PARD3: variants seen among roughly 807,000 people sequenced by gnomAD.
PARD3 encodes partitioning defective 3 homolog.
Under a neutral mutation model 155.4 loss-of-function variants are expected in PARD3, and 75 were observed. The observed-to-expected ratio is 0.48, with a 90% CI of 0.40 to 0.58. PARD3 has a LOEUF of 0.58. PARD3 is among the 20% of genes least tolerant of loss of function. PARD3 has a pLI of 0.00. For synonymous variants in PARD3, 576 were observed against 610.5 expected (o/e 0.94, Z 0.83); for missense variants, 1,642 against 1,721.7 (o/e 0.95, Z 0.82).
intron 20 of PARD3, among the ~76,000 whole-genome samples, chr10:34,303,957 G>A (rs1009514978): frequency 3.9e-5 from 6 of 152,176 alleles, no homozygotes; most frequent in African/African-American, 1.4e-4. Flanking sequence ...GAGGTACAAG[G>A]TGGCATGCAG....
chr10:34,370,774 TCTATAA>T (rs1840502524), intron 12 of PARD3, among the ~76,000 whole-genome samples: 1 of 151,884 alleles, frequency 6.6e-6, no homozygotes, highest in Non-Finnish European at 1.5e-5. Flanking sequence ...TTGCATTTAT[TCTATAA>T]CTATTTCATG....
chr10:34,542,606 T>C (rs980659910), intron 2 of PARD3, among the ~76,000 whole-genome samples: 3 of 152,218 alleles, frequency 2.0e-5, no homozygotes, highest in Non-Finnish European at 4.4e-5. Context: ...TATATGGATT[T>C]ATATGTGCAT....
At chr10:34,796,949 C>T (rs553316588) in intron 1 of PARD3, among the ~76,000 whole-genome samples, 1 of 152,334 alleles carries the variant, frequency 6.6e-6, no homozygotes, top group African/African-American at 2.4e-5. Context: ...CGTGCCACTG[C>T]ACTCCAGCCT....
At chr10:34,129,786 T>C (rs1947505563) in intron 23 of PARD3, among the ~76,000 whole-genome samples, 1 of 147,124 alleles carries the variant, frequency 6.8e-6, no homozygotes, top group Admixed American at 6.9e-5. Context: ...GCCTCCTGAG[T>C]AGCTGGGACC....
At chr10:34,548,880 G>A (rs1045870589) in intron 2 of PARD3, among the ~76,000 whole-genome samples, 3 of 152,098 alleles carry the variant, frequency 2.0e-5, no homozygotes, top group African/African-American at 7.2e-5. Context: ...CTCTAAAAAA[G>A]CAGTCCACTT....
intron 1 of PARD3, among the ~76,000 whole-genome samples, chr10:34,791,129 G>C (rs1262361593): frequency 6.6e-6 from 1 of 152,214 alleles, no homozygotes; most frequent in Non-Finnish European, 1.5e-5. Context: ...TCCAGTAAGA[G>C]CATTCAAAAC....
chr10:34,288,234 T>C (rs1000534832), intron 20 of PARD3, among the ~76,000 whole-genome samples: 2 of 152,108 alleles, frequency 1.3e-5, no homozygotes, highest in African/African-American at 4.8e-5. Flanking sequence ...AGATTCAAGA[T>C]GAATGTATGA....
rs78289129 is a variant in PARD3 at position 34,186,220 on chromosome 10, C to T, written c.3420-54637G>A. Among the ~76,000 whole-genome samples the T allele has an allele frequency of 2.4e-3, 366 of 152,116 alleles. 1 individual carries two copies. The highest frequency in any genetic ancestry group is 8.5e-3 in the African/African-American group (352 of 41,500). ...CTCAAAACCCAGCCCTAAAGCCGGA[C>T]GGGGTAGCTCACGCCTGTAATCCCA... is the stretch of plus-strand genomic sequence containing the variant. On this transcript the variant is annotated intron_variant, in intron 22 of 24. Transcript: ENST00000374788.
intron 2 of PARD3, among the ~76,000 whole-genome samples, chr10:34,601,851 T>C (rs1251369361): frequency 6.6e-6 from 1 of 152,228 alleles, no homozygotes; most frequent in Non-Finnish European, 1.5e-5. Context: ...TTTTCAGCTA[T>C]GGAGACATCA....
intron 4 of PARD3, among the ~76,000 whole-genome samples, chr10:34,461,422 C>T (rs566640567): frequency 3.3e-5 from 5 of 152,070 alleles, no homozygotes; most frequent in Admixed American, 2.6e-4. Flanking sequence ...CTGGCCAACA[C>T]GGTGAAACCC....
intron 10 of PARD3, among the ~76,000 whole-genome samples, chr10:34,376,637 A>G (rs1184495605): frequency 6.6e-6 from 1 of 152,230 alleles, no homozygotes; most frequent in Non-Finnish European, 1.5e-5. Context: ...ACGTTGTCAC[A>G]TGCACAGGAC....
At chr10:34,814,658 C>T (rs1844672631) in intron 1 of PARD3, among the ~76,000 whole-genome samples, 2 of 151,782 alleles carry the variant, frequency 1.3e-5, no homozygotes, top group African/African-American at 2.4e-5. Context: ...GCGGGGGCCG[C>T]GGGACCCGGC....
intron 1 of PARD3, among the ~76,000 whole-genome samples, chr10:34,779,420 C>T (rs1839992481): frequency 6.6e-6 from 1 of 151,944 alleles, no homozygotes; most frequent in Admixed American, 6.6e-5. Flanking sequence ...ACCATCCTGG[C>T]TAACACGGTG....
At chr10:34,728,283 A>T (rs183918041) in intron 1 of PARD3, among the ~76,000 whole-genome samples, 1 of 152,366 alleles carries the variant, frequency 6.6e-6, no homozygotes, top group East Asian at 1.9e-4. Flanking sequence ...ATACATACAA[A>T]TATTCTTCAG....
chr10:34,544,185 A>C (rs2083865389), intron 2 of PARD3, among the ~76,000 whole-genome samples: 1 of 152,232 alleles, frequency 6.6e-6, no homozygotes, highest in Admixed American at 6.5e-5. Flanking sequence ...AATTTTTGGA[A>C]AAAAATGTTT....
At chr10:34,649,482 T>C (rs2133037418) in intron 2 of PARD3, among the ~76,000 whole-genome samples, 1 of 152,328 alleles carries the variant, frequency 6.6e-6, no homozygotes, top group South Asian at 2.1e-4. Flanking sequence ...CAATGGTAAG[T>C]ATTTGTGCAT....
chr10:34,670,483 T>A (rs2093590885), intron 2 of PARD3, among the ~76,000 whole-genome samples: 1 of 152,208 alleles, frequency 6.6e-6, no homozygotes, highest in Non-Finnish European at 1.5e-5. Flanking sequence ...TTCAGTTTCT[T>A]CACCTGGCAA....
chr10:34,677,855 C>T (rs941485804), intron 2 of PARD3, among the ~76,000 whole-genome samples: 3 of 152,044 alleles, frequency 2.0e-5, no homozygotes, highest in Non-Finnish European at 4.4e-5. Flanking sequence ...AAAAAAAGCA[C>T]ATTTTATGTG....
At chr10:34,232,991 C>T (rs373427103) in intron 22 of PARD3, among the ~76,000 whole-genome samples, 1 of 150,388 alleles carries the variant, frequency 6.6e-6, no homozygotes, top group South Asian at 2.1e-4. Context: ...CCTGAGCCAC[C>T]GTGCCCGGCC....
Sources: allele counts gnomAD v4.1 joint callset (sites outside exome capture counted in the v4.1 genomes callset), GRCh38; gene constraint gnomAD v4.1.1; transcripts MANE v1.5; gene names NCBI Gene and HGNC (gene_info 2026-07-23, HGNC 2026-07-21).